The following MARCHF3 variants were observed in gnomAD, a reference collection of about 807,000 sequenced individuals.
MARCHF3 encodes the protein E3 ubiquitin-protein ligase MARCHF3.
MARCHF3 carries 13 observed loss-of-function variants against 24.2 expected under a neutral mutation model. That is an observed-to-expected ratio of 0.54 (90% CI 0.35 to 0.85). MARCHF3 has a LOEUF of 0.85. Ranked by LOEUF, MARCHF3 falls within the 40% of genes least tolerant of loss-of-function variation. MARCHF3 has a pLI of 0.01. For missense variants in MARCHF3, 276 were observed against 325.0 expected (o/e 0.85, Z 1.16); for synonymous variants, 144 against 137.3 (o/e 1.05, Z -0.34).
At chr5:126,979,430 A>G (rs1037312952) in intron 1 of MARCHF3, among the ~76,000 whole-genome samples, 36 of 152,342 alleles carry the variant, frequency 2.4e-4, no homozygotes, top group African/African-American at 7.5e-4. Context: ...ATGCAGATCC[A>G]TTTTGGGAAG....
At chr5:126,966,205 C>T (rs1030237244) in intron 1 of MARCHF3, among the ~76,000 whole-genome samples, 1 of 152,094 alleles carries the variant, frequency 6.6e-6, no homozygotes, top group Non-Finnish European at 1.5e-5. Flanking sequence ...GGGGGACTGA[C>T]TGCAAAGGGG....
intron 1 of MARCHF3, among the ~76,000 whole-genome samples, chr5:126,922,381 A>G (rs1021908090): frequency 6.6e-6 from 1 of 152,202 alleles, no homozygotes; most frequent in East Asian, 1.9e-4. Context: ...TGTGAGGTCT[A>G]AAACAAGATA....
At position 126,897,045 on chromosome 5, in the gene MARCHF3, A is replaced by ATTTTTTTTTTTTTTTTTTTTTTTTTTTT. The variant is rs759577287; in HGVS notation, c.393+17884_393+17885insAAAAAAAAAAAAAAAAAAAAAAAAAAAA. ...CAATCCAACTTTCTGAAGTTTGAGAATTTTTTTTTTTGAGATGGAGTTTCA... is the reference window on the plus strand; with the variant it reads ...CAATCCAACTTTCTGAAGTTTGAGAATTTTTTTTTTTTTTTTTTTTTTTTTTTTTTTTTTTTTTTGAGATGGAGTTTCA... On this transcript the variant is annotated intron_variant, in intron 3 of 4. Transcript: ENST00000308660. Among the ~76,000 whole-genome samples the ATTTTTTTTTTTTTTTTTTTTTTTTTTTT allele has an allele frequency of 3.4e-5, 4 of 116,448 alleles. 2 individuals carry two copies. Among genetic ancestry groups the ATTTTTTTTTTTTTTTTTTTTTTTTTTTT allele is most frequent in the African/African-American group, 1.4e-4 (4 of 27,802 alleles). 76.4% of individuals were successfully genotyped at this position (116,448 alleles called of 152,430 possible). A position where few individuals can be genotyped will look rare whatever the true frequency, so the allele number is the denominator to read the frequency against.
intron 3 of MARCHF3, among the ~76,000 whole-genome samples, chr5:126,906,449 G>T (rs1008864299): frequency 1.3e-5 from 2 of 152,130 alleles, no homozygotes; most frequent in African/African-American, 4.8e-5. Flanking sequence ...TCTGGTCCTG[G>T]ACTCTTTTTC....
chr5:126,896,504 G>C (rs897638199), intron 3 of MARCHF3, among the ~76,000 whole-genome samples: 1 of 152,138 alleles, frequency 6.6e-6, no homozygotes, highest in Non-Finnish European at 1.5e-5. Flanking sequence ...TTTAGCTTGA[G>C]TGATCCTGAG....
intron 1 of MARCHF3, among the ~76,000 whole-genome samples, chr5:126,982,947 G>C (rs550263591): frequency 2.6e-5 from 4 of 152,304 alleles, no homozygotes; most frequent in African/African-American, 9.6e-5. Context: ...AGCTGACTGA[G>C]CATACTGGGG....
At chr5:126,950,771 A>C (rs1276463161) in intron 1 of MARCHF3, among the ~76,000 whole-genome samples, 1 of 152,214 alleles carries the variant, frequency 6.6e-6, no homozygotes, top group Non-Finnish European at 1.5e-5. Context: ...CAGATTTTCT[A>C]TAACTATCAC....
intron 3 of MARCHF3, among the ~76,000 whole-genome samples, chr5:126,905,580 G>T (rs963048178): frequency 6.6e-6 from 1 of 151,790 alleles, no homozygotes; most frequent in Non-Finnish European, 1.5e-5. Context: ...TGAAGCAATT[G>T]TGAATGGGAG....
intron 1 of MARCHF3, among the ~76,000 whole-genome samples, chr5:126,955,675 G>T (rs1471124625): frequency 6.6e-6 from 1 of 152,050 alleles, no homozygotes; most frequent in African/African-American, 2.4e-5. Flanking sequence ...TTTTTATACT[G>T]ATTTGTAAGG....
At chr5:126,903,535 C>A (rs777264458) in intron 3 of MARCHF3, among the ~76,000 whole-genome samples, 3 of 151,940 alleles carry the variant, frequency 2.0e-5, no homozygotes, top group Non-Finnish European at 4.4e-5. Context: ...GCTCTGAAAC[C>A]AAAACTCATA....
chr5:126,891,747 G>T, intron 3 of MARCHF3, among the ~76,000 whole-genome samples: 1 of 143,484 alleles, frequency 7.0e-6, no homozygotes, highest in Non-Finnish European at 1.5e-5. Flanking sequence ...TGTTCTTTTG[G>T]CTTAGGATTG....
rs1039320939 is a variant in MARCHF3, at chr5:127,018,702, T to C, written c.-57+11648A>G. 6.9e-4 allele frequency among the ~76,000 whole-genome samples: 105 copies of C among 152,196 alleles called. 1 individual carries two copies. Among genetic ancestry groups the C allele is most frequent in the African/African-American group, 2.5e-3 (102 of 41,536 alleles). ...AATTGAGTGAGGGCCAGAGGGTAAG[T>C]AATGAGGTCACAAAGATAAGCAGGC... is the stretch of plus-strand genomic sequence containing the variant. On this transcript the variant is annotated intron_variant, in intron 1 of 4. Transcript: ENST00000308660.
chr5:127,010,214 C>A (rs1289977626), intron 1 of MARCHF3, among the ~76,000 whole-genome samples: 4 of 152,038 alleles, frequency 2.6e-5, no homozygotes, highest in Non-Finnish European at 5.9e-5. Context: ...AATTAGGTAA[C>A]CAATTTCATA....
intron 1 of MARCHF3, among the ~76,000 whole-genome samples, chr5:126,923,426 A>C (rs1345425721): frequency 6.6e-6 from 1 of 152,334 alleles, no homozygotes; most frequent in East Asian, 1.9e-4. Context: ...ATTTGGGTAG[A>C]AAAATGACTC....
At chr5:126,926,774 C>T (rs1457015901) in intron 1 of MARCHF3, among the ~76,000 whole-genome samples, 1 of 151,848 alleles carries the variant, frequency 6.6e-6, no homozygotes, top group African/African-American at 2.4e-5. Flanking sequence ...TCAGTTTCCC[C>T]CCGAGACTGA....
chr5:126,935,499 G>A (rs1749613348), intron 1 of MARCHF3, among the ~76,000 whole-genome samples: 1 of 147,922 alleles, frequency 6.8e-6, no homozygotes, highest in African/African-American at 2.5e-5. Flanking sequence ...GCTTGCTAGA[G>A]AAATAGATAT....
chr5:126,975,948 T>G (rs1751181117), intron 1 of MARCHF3, among the ~76,000 whole-genome samples: 1 of 152,216 alleles, frequency 6.6e-6, no homozygotes, highest in Admixed American at 6.5e-5. Flanking sequence ...CCAATGCCTC[T>G]TTGGGTTTCT....
At chr5:127,021,735 G>T (rs75151880) in intron 1 of MARCHF3, among the ~76,000 whole-genome samples, 3,098 of 152,134 alleles carry the variant, frequency 0.02, 75 homozygotes, top group South Asian at 0.12. Context: ...AACTTAATTA[G>T]GTAGATCACC....
intron 3 of MARCHF3, among the ~76,000 whole-genome samples, chr5:126,893,885 TG>T (rs1212201921): frequency 1.3e-5 from 1 of 74,216 alleles, no homozygotes; most frequent in African/African-American, 6.1e-5. Context: ...ATGTTGACAG[TG>T]GGGTGTTAAA....
Sources: gnomAD v4.1 joint callset for allele counts (sites outside exome capture counted in the v4.1 genomes callset) on GRCh38, gnomAD v4.1.1 for gene constraint, MANE v1.5 for transcripts, NCBI Gene and HGNC (gene_info 2026-07-23, HGNC 2026-07-21) for gene names.